The following GPR160 variants were observed in gnomAD, a reference collection of about 807,000 sequenced individuals.
GPR160 encodes the protein G protein-coupled receptor 160.
A neutral mutation model predicts 2.6 loss-of-function variants in GPR160; 2 were observed. The ratio of observed to expected loss-of-function variants is 0.77; its 90% CI spans 0.32 to 2.44. The LOEUF (loss-of-function observed/expected upper bound fraction) is 2.44. GPR160 is among the 30% of genes most tolerant of loss of function. The pLI is 0.11. For synonymous variants in GPR160, 130 were observed against 132.2 expected (o/e 0.98, Z 0.12); for missense variants, 351 against 383.6 (o/e 0.91, Z 0.71).
chr3:170,046,489 G>T (rs1716726667), intron 2 of GPR160, among the ~76,000 whole-genome samples: 2 of 152,132 alleles, frequency 1.3e-5, no homozygotes, highest in East Asian at 1.9e-4. Context: ...GGTCTTCTGG[G>T]CAGCCAGTGC....
intron 2 of GPR160, among the ~76,000 whole-genome samples, chr3:170,045,447 A>AAAAAAAAAC (rs71176546): frequency 3.4e-5 from 4 of 117,352 alleles, no homozygotes; most frequent in Non-Finnish European, 3.4e-5. Flanking sequence ...AAAAAAAAAA[A>AAAAAAAAAC]CCAATTAGCC....
chr3:170,046,114 A>C (rs1716709585), intron 2 of GPR160, among the ~76,000 whole-genome samples: 1 of 152,196 alleles, frequency 6.6e-6, no homozygotes, highest in South Asian at 2.1e-4. Context: ...TGTTAGAAGA[A>C]AGACCACAGG....
intron 2 of GPR160, among the ~76,000 whole-genome samples, chr3:170,046,593 C>T (rs1348648951): frequency 1.3e-5 from 2 of 152,126 alleles, no homozygotes; most frequent in African/African-American, 4.8e-5. Flanking sequence ...CAGCAAAGTA[C>T]AATGCCTGAC....
At chr3:170,055,703 C>T (rs1234013766) in intron 2 of GPR160, among the ~76,000 whole-genome samples, 18 of 152,144 alleles carry the variant, frequency 1.2e-4, no homozygotes, top group Admixed American at 1.1e-3. Flanking sequence ...GGCGCGATCC[C>T]GGCTCACTGT....
At chr3:170,061,222 C>T (rs1329080239) in intron 2 of GPR160, among the ~76,000 whole-genome samples, 1 of 151,446 alleles carries the variant, frequency 6.6e-6, no homozygotes, top group Admixed American at 6.6e-5. Context: ...TTGCAGTGAG[C>T]CGATATGGCG....
intron 2 of GPR160, among the ~76,000 whole-genome samples, chr3:170,072,476 A>C (rs888740232): frequency 7.9e-5 from 12 of 152,192 alleles, no homozygotes; most frequent in Admixed American, 6.5e-4. Context: ...GTCATTATAA[A>C]GCATACCTGA....
At chr3:170,080,088 A>G (rs1037314000) in intron 3 of GPR160, among the ~76,000 whole-genome samples, 191 bp downstream of exon 3, 11 of 152,192 alleles carry the variant, frequency 7.2e-5, no homozygotes, top group Non-Finnish European at 1.6e-4. Flanking sequence ...GTTCATTCAC[A>G]AGTAGTTTAA....
At chr3:170,056,682 A>G (rs1007577295) in intron 2 of GPR160, among the ~76,000 whole-genome samples, 1 of 152,236 alleles carries the variant, frequency 6.6e-6, no homozygotes, top group Non-Finnish European at 1.5e-5. Flanking sequence ...TAGAAACAGA[A>G]GTCAAAATAA....
At chr3:170,076,716 G>A (rs900926222) in intron 2 of GPR160, among the ~76,000 whole-genome samples, 2 of 151,938 alleles carry the variant, frequency 1.3e-5, no homozygotes, top group African/African-American at 2.4e-5. Context: ...GCTAATTTTT[G>A]TATTTTTAGT....
intron 2 of GPR160, among the ~76,000 whole-genome samples, chr3:170,060,978 C>A (rs1711910256): frequency 1.3e-5 from 2 of 151,824 alleles, no homozygotes; most frequent in Non-Finnish European, 2.9e-5. Flanking sequence ...CTGGACTCTT[C>A]AAAAATGTCA....
intron 2 of GPR160, among the ~76,000 whole-genome samples, chr3:170,060,406 G>A (rs529693233): frequency 3.5e-4 from 53 of 152,316 alleles, no homozygotes; most frequent in African/African-American, 1.3e-3. Flanking sequence ...GTGAAACTTT[G>A]TTATGCAACG....
chr3:170,084,078 ATAT>A lies in GPR160; in HGVS notation c.112_114del (p.Leu38del). 3 of 1,588,274 alleles carry A rather than the reference ATAT, an allele frequency of 1.9e-6. No homozygotes were observed. Among genetic ancestry groups the A allele is most frequent in the African/African-American group, 1.4e-5 (1 of 73,904 alleles). On this transcript the variant is annotated inframe_deletion, in exon 4 of 4. Coordinates refer to ENST00000355897, the MANE Select transcript of GPR160 (RefSeq NM_014373.3). ...GCTATTCTTGATCATACTTGGGAAA[ATAT>A]TATTAAATATCCTTACACTAGGAAT...
At chr3:170,078,937 C>A (rs1393438475) in intron 2 of GPR160, among the ~76,000 whole-genome samples, 1 of 152,194 alleles carries the variant, frequency 6.6e-6, no homozygotes, top group African/African-American at 2.4e-5. Context: ...CTGAAGGCAG[C>A]TGTTTTCTGA....
At chr3:170,041,119 C>A (rs571323313) in intron 2 of GPR160, among the ~76,000 whole-genome samples, 2 of 152,134 alleles carry the variant, frequency 1.3e-5, no homozygotes, top group South Asian at 4.2e-4. Context: ...AGGTATATTT[C>A]CAAAAGGTAA....
intron 2 of GPR160, among the ~76,000 whole-genome samples, chr3:170,072,585 G>A (rs575227880): frequency 6.6e-6 from 1 of 152,298 alleles, no homozygotes; most frequent in African/African-American, 2.4e-5. Flanking sequence ...TGAGGCCTCA[G>A]GAAGCTTCCA....
intron 2 of GPR160, among the ~76,000 whole-genome samples, chr3:170,073,181 C>T (rs1712684546): frequency 6.6e-6 from 1 of 151,074 alleles, no homozygotes; most frequent in Non-Finnish European, 1.5e-5. Flanking sequence ...GAGCAAGATT[C>T]TCTTACCAAA....
At chr3:170,070,762 GGA>G (rs1712549700) in intron 2 of GPR160, among the ~76,000 whole-genome samples, 1 of 152,088 alleles carries the variant, frequency 6.6e-6, no homozygotes, top group African/African-American at 2.4e-5. Context: ...GTTATGAGAA[GGA>G]ACATTTGTTT....
Position 170,085,062 on chromosome 3 carries a change from A to C in GPR160, c.*73A>C. 1 of 807,522 alleles carries C rather than the reference A, an allele frequency of 1.2e-6. No homozygotes were observed. The highest frequency in any genetic ancestry group is 3.1e-5 in the East Asian group (1 of 32,634). The allele number at this position is 807,522 out of a possible 1,614,324, so 50.0% of individuals were successfully genotyped here. A position where few individuals can be genotyped will look rare whatever the true frequency, so the allele number is the denominator to read the frequency against. The stretch of plus-strand genomic sequence containing the variant: ...ACAGAAAGAACTCAGGACATATTAA[A>C]AAATAAACTGAACTAAAACAACTTT... On this transcript the variant is annotated 3_prime_UTR_variant, in exon 4 of 4. Transcript: ENST00000355897.
In GPR160 at chr3:170,084,095, T is replaced by C. The variant is rs1307219023; in HGVS notation, c.123T>C (p.Leu41=). Residue 41 remains leucine, a synonymous_variant, in exon 4 of 4, where the codon CTT becomes CTC. Transcript: ENST00000355897. ...IILGKILLNI[L]TLGMRRKNTC... ...TTGGGAAAATATTATTAAATATCCT[T>C]ACACTAGGAATGAGAAGAAAAAACA... 6.3e-7 allele frequency: 1 copy of C among 1,593,922 alleles called. No homozygotes were observed. Among genetic ancestry groups the C allele is most frequent in the African/African-American group, 1.3e-5 (1 of 74,102 alleles).
Sources: gnomAD v4.1 joint callset for allele counts (sites outside exome capture counted in the v4.1 genomes callset) on GRCh38, gnomAD v4.1.1 for gene constraint, MANE v1.5 for transcripts, NCBI Gene and HGNC (gene_info 2026-07-23, HGNC 2026-07-21) for gene names.